The following FMN1 variants were observed in gnomAD, a reference collection of about 807,000 sequenced individuals.
The protein encoded by FMN1 is formin 1, also known as formin-1.
FMN1 carries 110 observed loss-of-function variants against 132.4 expected under a neutral mutation model. The observed-to-expected ratio is 0.83, with a 90% confidence interval of 0.71 to 0.97. The LOEUF (loss-of-function observed/expected upper bound fraction) is 0.97, where lower values mean the gene tolerates loss of function less well. FMN1 is among the 50% of genes least tolerant of loss of function. The pLI, the probability that FMN1 is intolerant of heterozygous loss-of-function variation, is 0.00. For synonymous variants in FMN1, 722 were observed against 651.7 expected (o/e 1.11, Z -1.64); for missense variants, 1,792 against 1,705.3 (o/e 1.05, Z -0.90).
At chr15:33,025,281 G>A (rs966459610) in intron 6 of FMN1, among the ~76,000 whole-genome samples, 15 of 152,006 alleles carry the variant, frequency 9.9e-5, no homozygotes, top group Admixed American at 2.0e-4. Context: ...CCCTCTACCA[G>A]AAATAGATCA....
chr15:32,800,793 A>T (rs2057452296), intron 18 of FMN1, among the ~76,000 whole-genome samples: 1 of 152,248 alleles, frequency 6.6e-6, no homozygotes, highest in South Asian at 2.1e-4. Flanking sequence ...GCTCAATAAC[A>T]CAGGCATTTA....
chr15:32,949,976 T>TTAAAAAGATAAA, intron 9 of FMN1, among the ~76,000 whole-genome samples: 1 of 53,082 alleles, frequency 1.9e-5, no homozygotes, highest in Non-Finnish European at 3.1e-5. Flanking sequence ...CACACATATA[T>TTAAAAAGATAAA]ATACACACAC....
At chr15:32,905,467 G>A (rs138938967) in intron 12 of FMN1, among the ~76,000 whole-genome samples, 9 of 152,284 alleles carry the variant, frequency 5.9e-5, no homozygotes, top group African/African-American at 1.9e-4. Flanking sequence ...CATGAGAAGT[G>A]TGTACCAGGC....
intron 4 of FMN1, among the ~76,000 whole-genome samples, chr15:33,127,975 A>T (rs760833013): frequency 1.6e-4 from 25 of 152,076 alleles, no homozygotes; most frequent in Non-Finnish European, 3.1e-4. Flanking sequence ...AGGGGAAAGG[A>T]AGGTAACAGA....
At chr15:32,994,456 A>G (rs919853020) in intron 7 of FMN1, among the ~76,000 whole-genome samples, 1 of 152,196 alleles carries the variant, frequency 6.6e-6, no homozygotes, top group African/African-American at 2.4e-5. Flanking sequence ...CTCTGCTTAA[A>G]GGTCAGTTCC....
At chr15:32,902,398 A>G (rs891581029) in intron 12 of FMN1, among the ~76,000 whole-genome samples, 5 of 152,112 alleles carry the variant, frequency 3.3e-5, no homozygotes, top group Non-Finnish European at 5.9e-5. Context: ...TATGCAATAA[A>G]CTCCCTCATA....
At chr15:32,785,190 GTGTGTGTGTGTA>G (rs1335718476) in intron 19 of FMN1, among the ~76,000 whole-genome samples, 2 of 25,222 alleles carry the variant, frequency 7.9e-5, no homozygotes, top group Non-Finnish European at 1.7e-4. Context: ...GTGTGTGTGT[GTGTGTGTGTGTA>G]TATATATATA....
At chr15:33,010,543 G>A (rs559643378) in intron 6 of FMN1, among the ~76,000 whole-genome samples, 1 of 152,116 alleles carries the variant, frequency 6.6e-6, no homozygotes, top group South Asian at 2.1e-4. Context: ...AACAATACCT[G>A]CTACTATTGT....
intron 16 of FMN1, among the ~76,000 whole-genome samples, chr15:32,866,227 T>TAAAAAAAAAA (rs761408599): frequency 5.4e-5 from 5 of 92,338 alleles, no homozygotes; most frequent in Non-Finnish European, 8.4e-5. Flanking sequence ...TAAAGTATAA[T>TAAAAAAAAAA]AAAAAAAAAG....
intron 9 of FMN1, among the ~76,000 whole-genome samples, chr15:32,960,290 T>C (rs913342963): frequency 3.3e-5 from 5 of 152,134 alleles, no homozygotes; most frequent in South Asian, 2.1e-4. Flanking sequence ...CCAAATCTCG[T>C]GAGAACTCAC....
intron 4 of FMN1, among the ~76,000 whole-genome samples, chr15:33,126,466 G>T (rs1379793557): frequency 1.3e-5 from 2 of 152,108 alleles, no homozygotes; most frequent in Non-Finnish European, 2.9e-5. Flanking sequence ...ATCCCATAAC[G>T]TCCAAAATTT....
At chr15:33,117,043 C>T (rs979927219) in intron 4 of FMN1, among the ~76,000 whole-genome samples, 3 of 152,110 alleles carry the variant, frequency 2.0e-5, no homozygotes, top group African/African-American at 4.8e-5. Flanking sequence ...GAGCTATGGA[C>T]GATCCTGCAG....
chr15:32,790,257 T>G (rs1453928832), intron 19 of FMN1, among the ~76,000 whole-genome samples: 1 of 152,190 alleles, frequency 6.6e-6, no homozygotes, highest in East Asian at 1.9e-4. Flanking sequence ...ATTCATCTGC[T>G]GTCAATGCCC....
chr15:33,043,930 G>C (rs2036559311), intron 6 of FMN1, among the ~76,000 whole-genome samples: 1 of 152,136 alleles, frequency 6.6e-6, no homozygotes, highest in Non-Finnish European at 1.5e-5. Flanking sequence ...CTGTGGACCT[G>C]GGCATCTCTG....
intron 9 of FMN1, among the ~76,000 whole-genome samples, chr15:32,940,758 A>AC (rs1286815564): frequency 6.6e-6 from 1 of 152,082 alleles, no homozygotes; most frequent in Non-Finnish European, 1.5e-5. Flanking sequence ...CAGAACATGA[A>AC]CCCCAAAAGA....
At chr15:32,930,007 T>G (rs949632016) in intron 9 of FMN1, among the ~76,000 whole-genome samples, 7 of 111,762 alleles carry the variant, frequency 6.3e-5, no homozygotes, top group African/African-American at 2.5e-4. Flanking sequence ...TTTTTTTTTT[T>G]GAGCTGGAGT....
At chr15:32,967,941 C>G (rs1390753161) in intron 8 of FMN1, among the ~76,000 whole-genome samples, 2 of 152,242 alleles carry the variant, frequency 1.3e-5, no homozygotes, top group African/African-American at 4.8e-5. Flanking sequence ...AACTTAAGAT[C>G]TCTTTCACTG....
At chr15:32,949,356 G>A (rs1272943858) in intron 9 of FMN1, among the ~76,000 whole-genome samples, 2 of 151,952 alleles carry the variant, frequency 1.3e-5, no homozygotes, top group African/African-American at 4.8e-5. Flanking sequence ...CATAGACCAA[G>A]TGAACAGAAC....
chr15:33,048,650 C>CAAAAACAAAAA (rs2036824599), intron 6 of FMN1, among the ~76,000 whole-genome samples: 1 of 25,116 alleles, frequency 4.0e-5, no homozygotes. Flanking sequence ...AAAAAAAAAA[C>CAAAAACAAAAA]CAACAGTTTA....
Sources: gnomAD v4.1 joint callset for allele counts (sites outside exome capture counted in the v4.1 genomes callset) on GRCh38, gnomAD v4.1.1 for gene constraint, MANE v1.5 for transcripts, NCBI Gene and HGNC (gene_info 2026-07-23, HGNC 2026-07-21) for gene names.